CNTN1: variants seen among roughly 807,000 people sequenced by gnomAD.
CNTN1 encodes contactin-1.
CNTN1 carries 38 observed loss-of-function variants against 126.4 expected under a neutral mutation model. The ratio of observed to expected loss-of-function variants is 0.30; its 90% CI spans 0.23 to 0.39. The LOEUF is 0.39. Ranked by LOEUF, CNTN1 falls within the 10% of genes least tolerant of loss-of-function variation. The probability of loss-of-function intolerance (pLI) is 1.00; values close to 1 mark genes in which losing one functional copy is unlikely to be tolerated. For missense variants in CNTN1, 1,009 were observed against 1,248.4 expected (o/e 0.81, Z 2.89); for synonymous variants, 413 against 422.6 (o/e 0.98, Z 0.28).
intron 16 of CNTN1, among the ~76,000 whole-genome samples, chr12:40,987,051 G>A (rs1003859715): frequency 6.6e-6 from 1 of 152,138 alleles, no homozygotes; most frequent in Non-Finnish European, 1.5e-5. Context: ...AAAGATGGTG[G>A]TTTATAGATT....
At chr12:40,864,828 T>C (rs1592175950) in intron 1 of CNTN1, among the ~76,000 whole-genome samples, 1 of 152,150 alleles carries the variant, frequency 6.6e-6, no homozygotes, top group African/African-American at 2.4e-5. Context: ...ATATATGTTT[T>C]TATTTCTCTC....
intron 1 of CNTN1, among the ~76,000 whole-genome samples, chr12:40,840,602 A>T (rs535652126): frequency 1.3e-5 from 2 of 150,050 alleles, no homozygotes; most frequent in African/African-American, 2.4e-5. Context: ...CAGCAAAACA[A>T]GTCTCATCAA....
chr12:40,943,631 A>C lies in CNTN1; in HGVS notation c.1414A>C (p.Asn472His), dbSNP rs1946336293. Residue 472 changes from asparagine to histidine, a missense_variant, in exon 13 of 24, where the codon AAC becomes CAC. Coordinates refer to ENST00000551295, the MANE Select transcript of CNTN1 (RefSeq NM_001843.4). The stretch of plus-strand genomic sequence containing the variant: ...TTGGGAAGATGGTAGCTTGGAAATC[A>C]ACAACATTACAAGGAATGATGGAGG... ...LIWEDGSLEI[N>H]NITRNDGGIY... 2 of 1,599,826 alleles carry C rather than the reference A, an allele frequency of 1.3e-6. No individual in the cohort carries two copies. Among genetic ancestry groups the C allele is most frequent in the Non-Finnish European group, 1.7e-6 (2 of 1,167,234 alleles).
At chr12:40,806,270 T>G (rs1592107148) in intron 1 of CNTN1, among the ~76,000 whole-genome samples, 1 of 152,148 alleles carries the variant, frequency 6.6e-6, no homozygotes, top group South Asian at 2.1e-4. Context: ...GCAGAGAGTT[T>G]CCCGCCAATC....
intron 23 of CNTN1, among the ~76,000 whole-genome samples, chr12:41,054,268 G>A (rs943632758): frequency 6.6e-6 from 1 of 151,652 alleles, no homozygotes; most frequent in Admixed American, 6.6e-5. Context: ...AAAAAATAAG[G>A]CAACTATATT....
At chr12:40,834,664 A>G (rs1035214484) in intron 1 of CNTN1, among the ~76,000 whole-genome samples, 1 of 152,212 alleles carries the variant, frequency 6.6e-6, no homozygotes, top group Non-Finnish European at 1.5e-5. Flanking sequence ...ATAGATCAGT[A>G]TGAGGGCATC....
At chr12:40,863,071 G>A (rs1392004038) in intron 1 of CNTN1, among the ~76,000 whole-genome samples, 1 of 152,164 alleles carries the variant, frequency 6.6e-6, no homozygotes, top group Non-Finnish European at 1.5e-5. Context: ...TGAGGAAGAT[G>A]TTCATGAGAG....
intron 1 of CNTN1, among the ~76,000 whole-genome samples, chr12:40,773,703 A>G: frequency 4.8e-5 from 1 of 21,048 alleles, no homozygotes; most frequent in African/African-American, 9.0e-5. Flanking sequence ...ACACATATAT[A>G]TATATATATA....
chr12:40,711,798 A>G (rs572753895), intron 1 of CNTN1, among the ~76,000 whole-genome samples: 50 of 152,146 alleles, frequency 3.3e-4, no homozygotes, highest in African/African-American at 1.1e-3. Context: ...CCATAACCTC[A>G]AACTCCTGAG....
chr12:40,862,674 A>T lies in CNTN1; in HGVS notation c.-76-45683A>T, dbSNP rs140101787. On this transcript the variant is annotated intron_variant, in intron 1 of 23. Coordinates refer to ENST00000551295, the MANE Select transcript of CNTN1 (RefSeq NM_001843.4). ...AAGTCCACTCACAATTCACTCCTTC[A>T]GTGATTGTATGCTGTATTGTCAATG... Among the ~76,000 whole-genome samples, 1,309 of 152,250 alleles carry T rather than the reference A, an allele frequency of 8.6e-3. 19 individuals are homozygous for T. Among genetic ancestry groups the T allele is most frequent in the African/African-American group, 0.03 (1,236 of 41,558 alleles).
At chr12:40,784,173 T>C (rs1445968057) in intron 1 of CNTN1, among the ~76,000 whole-genome samples, 3 of 152,108 alleles carry the variant, frequency 2.0e-5, no homozygotes, top group South Asian at 2.1e-4. Context: ...GAAAATATAA[T>C]TTCTGAATTT....
At chr12:40,706,609 T>C (rs915290606) in intron 1 of CNTN1, among the ~76,000 whole-genome samples, 4 of 150,696 alleles carry the variant, frequency 2.7e-5, no homozygotes, top group Non-Finnish European at 5.9e-5. Context: ...AACACAGTAA[T>C]GTTTTGGATG....
At chr12:40,763,831 T>C (rs1565701662) in intron 1 of CNTN1, among the ~76,000 whole-genome samples, 1 of 152,218 alleles carries the variant, frequency 6.6e-6, no homozygotes, top group Non-Finnish European at 1.5e-5. Context: ...AGTACACTTA[T>C]TTCCCACTCA....
intron 1 of CNTN1, among the ~76,000 whole-genome samples, chr12:40,803,987 G>T (rs1361211966): frequency 6.6e-6 from 1 of 151,968 alleles, no homozygotes; most frequent in Non-Finnish European, 1.5e-5. Context: ...GTTACTGCAT[G>T]GTGGAGGTAA....
At chr12:40,929,755 G>T in intron 6 of CNTN1, 41 bp from the exon 7 acceptor site, 1 of 1,460,590 alleles carries the variant, frequency 6.8e-7, no homozygotes, top group Non-Finnish European at 9.6e-7. Context: ...AACAACTTTG[G>T]GAGAAGCACT....
intron 23 of CNTN1, among the ~76,000 whole-genome samples, chr12:41,038,735 G>A (rs531707884): frequency 1.4e-4 from 21 of 152,098 alleles, no homozygotes; most frequent in South Asian, 2.1e-4. Flanking sequence ...ATTTTAAAGC[G>A]AGGAGGCAAA....
At chr12:41,018,983 C>T (rs1948845282) in intron 19 of CNTN1, among the ~76,000 whole-genome samples, 1 of 151,934 alleles carries the variant, frequency 6.6e-6, no homozygotes, top group Admixed American at 6.6e-5. Flanking sequence ...ATGGAGAAAC[C>T]CTATCTCTAC....
chr12:40,898,425 C>T (rs753406924), intron 1 of CNTN1, among the ~76,000 whole-genome samples: 4 of 151,994 alleles, frequency 2.6e-5, no homozygotes, highest in South Asian at 2.1e-4. Context: ...GGTCTTCGAA[C>T]GGGTTTTGAA....
intron 1 of CNTN1, among the ~76,000 whole-genome samples, chr12:40,823,336 T>C (rs1245398971): frequency 1.3e-5 from 2 of 152,222 alleles, no homozygotes; most frequent in Non-Finnish European, 2.9e-5. Context: ...GCCTGAGCTA[T>C]GAAGTCATAA....
Sources: gnomAD v4.1 joint callset for allele counts (sites outside exome capture counted in the v4.1 genomes callset) on GRCh38, gnomAD v4.1.1 for gene constraint, MANE v1.5 for transcripts, NCBI Gene and HGNC (gene_info 2026-07-23, HGNC 2026-07-21) for gene names.